AKR1C8: variants seen among roughly 807,000 people sequenced by gnomAD.
AKR1C8 encodes aldo-keto reductase family 1 member C-like protein 1.
chr10:5,164,901 T>C, the AKR1C8 span, among the ~76,000 whole-genome samples: 1 of 152,158 alleles, frequency 6.6e-6, no homozygotes, highest in Non-Finnish European at 1.5e-5. Context: ...ATTTTCTTTC[T>C]CTCTTTTCAT....
chr10:5,140,110 C>A, the AKR1C8 span, among the ~76,000 whole-genome samples: 1 of 152,066 alleles, frequency 6.6e-6, no homozygotes, highest in South Asian at 2.1e-4. Context: ...CCATCTCACA[C>A]CAGTTAGAAT....
the AKR1C8 span, among the ~76,000 whole-genome samples, chr10:5,183,630 C>T: frequency 2.0e-5 from 3 of 152,052 alleles, no homozygotes; most frequent in African/African-American, 7.2e-5. Flanking sequence ...AAAAAAATAG[C>T]CAGAAAAGTC....
the AKR1C8 span, among the ~76,000 whole-genome samples, chr10:5,141,854 A>T: frequency 6.6e-6 from 1 of 152,142 alleles, no homozygotes; most frequent in Non-Finnish European, 1.5e-5. Flanking sequence ...TTTTGAAATT[A>T]TAACAAAGCA....
chr10:5,175,245 G>T, the AKR1C8 span, among the ~76,000 whole-genome samples: 7 of 151,400 alleles, frequency 4.6e-5, no homozygotes, highest in Non-Finnish European at 8.8e-5. Flanking sequence ...TTGTCCTTGC[G>T]ATAGTTTACT....
chr10:5,149,191 G>A, the AKR1C8 span, among the ~76,000 whole-genome samples: 4 of 152,074 alleles, frequency 2.6e-5, no homozygotes, highest in African/African-American at 9.7e-5. Flanking sequence ...ATTGTAGTAA[G>A]TAATAAAAAC....
the AKR1C8 span, among the ~76,000 whole-genome samples, chr10:5,143,617 CATTT>C: frequency 6.6e-6 from 1 of 151,114 alleles, no homozygotes; most frequent in Non-Finnish European, 1.5e-5. Flanking sequence ...TGATTTTATA[CATTT>C]ATATATGAGA....
the AKR1C8 span, among the ~76,000 whole-genome samples, chr10:5,166,015 A>G: frequency 5.3e-5 from 8 of 152,082 alleles, no homozygotes; most frequent in Non-Finnish European, 1.0e-4. Context: ...AAAAAAGGAA[A>G]AGTGGGACAC....
chr10:5,139,511 T>C, the AKR1C8 span, among the ~76,000 whole-genome samples: 2 of 152,124 alleles, frequency 1.3e-5, no homozygotes, highest in Non-Finnish European at 2.9e-5. Context: ...TCTACAACCA[T>C]CTGATCTTTG....
chr10:5,166,586 T>G, the AKR1C8 span, among the ~76,000 whole-genome samples: 1 of 152,198 alleles, frequency 6.6e-6, no homozygotes, highest in Admixed American at 6.5e-5. Context: ...GCTAGCCATA[T>G]GTAGAAAGCT....
At chr10:5,174,797 G>C in the AKR1C8 span, among the ~76,000 whole-genome samples, 1 of 151,508 alleles carries the variant, frequency 6.6e-6, no homozygotes, top group Admixed American at 6.6e-5. Flanking sequence ...ATTTTGCCTA[G>C]GAATAAAAGA....
At chr10:5,122,655 T>C in the AKR1C8 span, among the ~76,000 whole-genome samples, 4 of 152,142 alleles carry the variant, frequency 2.6e-5, no homozygotes, top group African/African-American at 9.7e-5. Context: ...ACTCTGAGCA[T>C]AACATCTATG....
At chr10:5,182,828 T>TG in the AKR1C8 span, among the ~76,000 whole-genome samples, 1 of 151,758 alleles carries the variant, frequency 6.6e-6, no homozygotes, top group Non-Finnish European at 1.5e-5. Flanking sequence ...GAGAACTGCT[T>TG]GAACCCAGGA....
At chr10:5,148,834 T>A in the AKR1C8 span, among the ~76,000 whole-genome samples, 1 of 152,154 alleles carries the variant, frequency 6.6e-6, no homozygotes, top group Admixed American at 6.6e-5. Flanking sequence ...ATATTTTTCT[T>A]TCTTTCCTTT....
At chr10:5,121,162 C>A in the AKR1C8 span, among the ~76,000 whole-genome samples, 4 of 152,104 alleles carry the variant, frequency 2.6e-5, no homozygotes, top group South Asian at 8.3e-4. Flanking sequence ...TTCTACACTC[C>A]CCTCCAAACT....
the AKR1C8 span, among the ~76,000 whole-genome samples, chr10:5,168,439 C>T: frequency 2.6e-5 from 4 of 152,084 alleles, no homozygotes; most frequent in Non-Finnish European, 5.9e-5. Flanking sequence ...CCACTACTAT[C>T]CCTACCAGAA....
the AKR1C8 span, among the ~76,000 whole-genome samples, chr10:5,135,924 C>A: frequency 1.3e-5 from 2 of 151,922 alleles, no homozygotes; most frequent in Non-Finnish European, 2.9e-5. Context: ...AAAATGCAGT[C>A]CTGATGATGT....
chr10:5,158,572 T>A, the AKR1C8 span: 1 of 436,088 alleles, frequency 2.3e-6, no homozygotes, highest in Non-Finnish European at 4.8e-6. Flanking sequence ...ATTCCCGCCA[T>A]AGGTTAACTC....
the AKR1C8 span, among the ~76,000 whole-genome samples, chr10:5,178,541 C>CTTTCTG: frequency 6.6e-6 from 1 of 152,138 alleles, no homozygotes; most frequent in Non-Finnish European, 1.5e-5. Context: ...TCCTTTTTAA[C>CTTTCTG]TTTCTGTCTC....
At chr10:5,120,844 A>G in the AKR1C8 span, among the ~76,000 whole-genome samples, 38 of 152,100 alleles carry the variant, frequency 2.5e-4, no homozygotes, top group African/African-American at 8.2e-4. Context: ...ATTTTATTTT[A>G]GTTTTTGGTA....
Sources: gnomAD v4.1 joint callset for allele counts (sites outside exome capture counted in the v4.1 genomes callset) on GRCh38, gnomAD v4.1.1 for gene constraint, MANE v1.5 for transcripts, NCBI Gene and HGNC (gene_info 2026-07-23, HGNC 2026-07-21) for gene names.